Variants in EXOC6B observed in about 807,000 individuals in gnomAD.
EXOC6B encodes the protein exocyst complex component 6B.
EXOC6B carries 54 observed loss-of-function variants against 113.5 expected under a neutral mutation model. That is an observed-to-expected ratio of 0.48 (90% CI 0.38 to 0.60). The LOEUF (loss-of-function observed/expected upper bound fraction) is 0.60, where lower values mean the gene tolerates loss of function less well. Among genes scored for constraint, EXOC6B ranks in the 20% least tolerant of loss-of-function variants. The pLI, the probability that EXOC6B is intolerant of heterozygous loss-of-function variation, is 0.00. For missense variants in EXOC6B, 797 were observed against 977.5 expected, an observed-to-expected ratio of 0.82 and a Z score of 2.46; for synonymous variants, 357 against 339.0, an observed-to-expected ratio of 1.05 and a Z score of -0.58.
At chr2:72,397,661 T>TAAAAAAAA in intron 18 of EXOC6B, among the ~76,000 whole-genome samples, 1 of 102,110 alleles carries the variant, frequency 9.8e-6, no homozygotes, top group African/African-American at 8.5e-5. Context: ...AAAATAAAAT[T>TAAAAAAAA]ATATATATAT....
intron 18 of EXOC6B, among the ~76,000 whole-genome samples, chr2:72,384,301 A>G (rs1691865729): frequency 6.6e-6 from 1 of 152,158 alleles, no homozygotes; most frequent in Non-Finnish European, 1.5e-5. Context: ...GGCATTTGAA[A>G]AAACTCAGCC....
At chr2:72,206,563 T>G (rs1679849715) in intron 20 of EXOC6B, among the ~76,000 whole-genome samples, 1 of 152,246 alleles carries the variant, frequency 6.6e-6, no homozygotes, top group South Asian at 2.1e-4. Flanking sequence ...CTGTTGATTA[T>G]GTCAGTAAAC....
At chr2:72,615,310 A>G (rs1458527835) in intron 6 of EXOC6B, among the ~76,000 whole-genome samples, 2 of 152,138 alleles carry the variant, frequency 1.3e-5, no homozygotes, top group Non-Finnish European at 2.9e-5. Flanking sequence ...CAGGTCATGA[A>G]TCTTACATTA....
chr2:72,699,491 AAAAG>A (rs1210542564), intron 6 of EXOC6B, among the ~76,000 whole-genome samples: 6 of 151,950 alleles, frequency 3.9e-5, no homozygotes, highest in African/African-American at 7.2e-5. Flanking sequence ...AAAAAAAAAA[AAAAG>A]AAAGAAAGTC....
At chr2:72,713,529 C>T (rs1024116159) in intron 6 of EXOC6B, among the ~76,000 whole-genome samples, 1 of 151,742 alleles carries the variant, frequency 6.6e-6, no homozygotes, top group Non-Finnish European at 1.5e-5. Context: ...TGTGCTGCAC[C>T]CATTAACTCG....
chr2:72,610,484 A>G (rs1484895807), intron 6 of EXOC6B, among the ~76,000 whole-genome samples: 2 of 152,240 alleles, frequency 1.3e-5, no homozygotes, highest in African/African-American at 2.4e-5. Flanking sequence ...ACAGGGATTA[A>G]GTAATTGCTG....
intron 6 of EXOC6B, among the ~76,000 whole-genome samples, chr2:72,681,920 A>T (rs1676730191): frequency 6.6e-6 from 1 of 152,050 alleles, no homozygotes; most frequent in African/African-American, 2.4e-5. Flanking sequence ...CTCTTCCACT[A>T]AATCCCTTCT....
chr2:72,303,420 G>T (rs1438185024), intron 20 of EXOC6B, among the ~76,000 whole-genome samples: 3 of 151,980 alleles, frequency 2.0e-5, no homozygotes, highest in Non-Finnish European at 4.4e-5. Context: ...ATTTCATGGA[G>T]GTTTTGTTCA....
rs1010005137 is a variant in EXOC6B at position 72,513,248 on chromosome 2, A to G, written c.1051T>C (p.Phe351Leu). 6.2e-7 allele frequency: 1 copy of G among 1,612,778 alleles called. No homozygotes were observed. The highest frequency in any genetic ancestry group is 1.1e-5 in the South Asian group (1 of 90,928). ...RKYFNQIVGF[F>L]VVEDHILHTT... ...TGTAAAATGTGATCTTCAACCACAA[A>G]AAAGCTAAGATTGAGGAAAAAAGAA... Residue 351 changes from phenylalanine (F) to leucine (L), a missense_variant, in exon 11 of 22, where the codon TTT becomes CTT. Phe to Leu is a conservative substitution (Grantham distance 22). Transcript: ENST00000272427.
intron 20 of EXOC6B, among the ~76,000 whole-genome samples, chr2:72,282,684 A>T (rs986341060): frequency 5.7e-4 from 87 of 152,122 alleles, no homozygotes; most frequent in African/African-American, 2.0e-3. Context: ...ATACCTTAAA[A>T]ATAACAATCT....
At chr2:72,541,387 C>T (rs1207035727) in intron 8 of EXOC6B, among the ~76,000 whole-genome samples, 1 of 152,128 alleles carries the variant, frequency 6.6e-6, no homozygotes, top group African/African-American at 2.4e-5. Context: ...CCCCTTATTT[C>T]CTTTTTCCTT....
At chr2:72,551,628 A>C (rs1703230108) in intron 8 of EXOC6B, among the ~76,000 whole-genome samples, 1 of 150,062 alleles carries the variant, frequency 6.7e-6, no homozygotes, top group Non-Finnish European at 1.5e-5. Flanking sequence ...CCTCAGCCTC[A>C]CGAGTAGCTG....
rs1031818349 is a variant in EXOC6B at position 72,569,559 on chromosome 2, C to G, written c.846+5933G>C. Among the ~76,000 whole-genome samples, 60 of 152,120 alleles carry G rather than the reference C, an allele frequency of 3.9e-4. 1 individual carries two copies. The highest frequency in any genetic ancestry group is 8.8e-5 in the Non-Finnish European group (6 of 68,004). ...AATCTAATTGACCTGCAGAAGTTGG[C>G]AACTAATTTAAAAATTTTTAAGCAT... On this transcript the variant is annotated intron_variant, in intron 7 of 21. Transcript: ENST00000272427.
intron 16 of EXOC6B, among the ~76,000 whole-genome samples, chr2:72,483,373 T>G (rs1380666406): frequency 6.6e-6 from 1 of 152,076 alleles, no homozygotes; most frequent in Non-Finnish European, 1.5e-5. Flanking sequence ...AAAGAAATCC[T>G]AATAATAAGG....
At chr2:72,536,969 A>G (rs1298802291) in intron 8 of EXOC6B, among the ~76,000 whole-genome samples, 2 of 152,212 alleles carry the variant, frequency 1.3e-5, no homozygotes, top group Non-Finnish European at 2.9e-5. Context: ...CTTTTAAAGA[A>G]TTTTGAAATT....
chr2:72,432,927 G>A (rs1039359759), intron 18 of EXOC6B, among the ~76,000 whole-genome samples: 4 of 152,114 alleles, frequency 2.6e-5, no homozygotes, highest in African/African-American at 7.2e-5. Context: ...GATCCCATTT[G>A]TCAATTTTGG....
chr2:72,445,495 AT>A (rs1272281349), intron 18 of EXOC6B, among the ~76,000 whole-genome samples: 1 of 152,344 alleles, frequency 6.6e-6, no homozygotes, highest in Non-Finnish European at 1.5e-5. Context: ...TGATAAAGAC[AT>A]ACCCGAGACT....
At chr2:72,774,030 T>A (rs1683552788) in intron 1 of EXOC6B, among the ~76,000 whole-genome samples, 1 of 152,230 alleles carries the variant, frequency 6.6e-6, no homozygotes, top group Admixed American at 6.5e-5. Flanking sequence ...GTCTATGTTA[T>A]ACTTCAAATG....
intron 6 of EXOC6B, among the ~76,000 whole-genome samples, chr2:72,645,101 G>A (rs550313896): frequency 1.3e-5 from 2 of 152,064 alleles, no homozygotes; most frequent in East Asian, 3.9e-4. Flanking sequence ...GATTTACCAA[G>A]CAAATGGAAA....
Sources: gnomAD v4.1 joint callset for allele counts (sites outside exome capture counted in the v4.1 genomes callset) on GRCh38, gnomAD v4.1.1 for gene constraint, MANE v1.5 for transcripts, NCBI Gene and HGNC (gene_info 2026-07-23, HGNC 2026-07-21) for gene names.